The following ARB2A variants were observed in gnomAD, a reference collection of about 807,000 sequenced individuals.
ARB2A encodes cotranscriptional regulator ARB2A.
the ARB2A span, among the ~76,000 whole-genome samples, chr5:94,077,736 G>A: frequency 1.3e-5 from 2 of 152,128 alleles, no homozygotes; most frequent in African/African-American, 2.4e-5. Context: ...AGAATAAAGC[G>A]GTGGAAGGTT....
chr5:93,846,797 G>A, the ARB2A span, among the ~76,000 whole-genome samples: 1 of 152,098 alleles, frequency 6.6e-6, no homozygotes, highest in African/African-American at 2.4e-5. Flanking sequence ...TCAGTGAAGG[G>A]TCTTGCCTCA....
chr5:93,619,901 G>A, the ARB2A span: 1 of 152,076 alleles, frequency 6.6e-6, no homozygotes, highest in Non-Finnish European at 1.5e-5. Context: ...AAACTAAAAG[G>A]ATAATTTTAG....
the ARB2A span, among the ~76,000 whole-genome samples, chr5:94,005,728 A>G: frequency 6.6e-6 from 1 of 152,256 alleles, no homozygotes; most frequent in African/African-American, 2.4e-5. Context: ...GCCAAAAGAC[A>G]TTGAGAGAGC....
At chr5:93,886,021 A>C in the ARB2A span, among the ~76,000 whole-genome samples, 1 of 151,796 alleles carries the variant, frequency 6.6e-6, no homozygotes, top group Non-Finnish European at 1.5e-5. Flanking sequence ...AAATTATATC[A>C]GTACAAAAAC....
At chr5:93,958,961 G>A in the ARB2A span, 8 of 1,568,916 alleles carry the variant, frequency 5.1e-6, no homozygotes, top group Non-Finnish European at 6.9e-6. Context: ...ACTCTCAGTG[G>A]CATCTACCTG....
the ARB2A span, among the ~76,000 whole-genome samples, chr5:93,672,296 T>C: frequency 6.6e-6 from 1 of 151,934 alleles, no homozygotes; most frequent in Non-Finnish European, 1.5e-5. Flanking sequence ...ATAGAAATGT[T>C]GCTGTATGCA....
At chr5:93,883,123 A>T in the ARB2A span, among the ~76,000 whole-genome samples, 1 of 151,364 alleles carries the variant, frequency 6.6e-6, no homozygotes, top group Admixed American at 6.6e-5. Context: ...ATTGTTTTCT[A>T]TTTTTTCCTC....
At chr5:93,947,574 G>C in the ARB2A span, among the ~76,000 whole-genome samples, 22 of 150,992 alleles carry the variant, frequency 1.5e-4, no homozygotes, top group African/African-American at 5.3e-4. Flanking sequence ...GTGCAGGTTA[G>C]TTACGTATGT....
At chr5:94,073,640 T>C in the ARB2A span, among the ~76,000 whole-genome samples, 1 of 152,088 alleles carries the variant, frequency 6.6e-6, no homozygotes, top group East Asian at 1.9e-4. Context: ...TCTATCTAGG[T>C]GGAAACCCAG....
At chr5:93,675,192 T>A in the ARB2A span, among the ~76,000 whole-genome samples, 1 of 152,194 alleles carries the variant, frequency 6.6e-6, no homozygotes, top group African/African-American at 2.4e-5. Flanking sequence ...ACAGTTGAAC[T>A]TATTAAATCT....
the ARB2A span, among the ~76,000 whole-genome samples, chr5:93,942,936 G>T: frequency 8.6e-5 from 13 of 151,924 alleles, no homozygotes; most frequent in Non-Finnish European, 1.9e-4. Context: ...CCAGATTTAT[G>T]AACACACATA....
chr5:93,852,570 G>T, the ARB2A span, among the ~76,000 whole-genome samples: 1 of 152,074 alleles, frequency 6.6e-6, no homozygotes, highest in Non-Finnish European at 1.5e-5. Context: ...TTTTCTTCTA[G>T]GGTTTTTATG....
the ARB2A span, among the ~76,000 whole-genome samples, chr5:94,012,195 G>T: frequency 2.6e-5 from 4 of 152,108 alleles, no homozygotes; most frequent in Admixed American, 2.6e-4. Flanking sequence ...AAGGTCAGGA[G>T]ATCAAGACCA....
chr5:93,842,208 G>T, the ARB2A span, among the ~76,000 whole-genome samples: 1 of 152,152 alleles, frequency 6.6e-6, no homozygotes, highest in Non-Finnish European at 1.5e-5. Context: ...TGGGGGTGAT[G>T]AAAGTAACGG....
chr5:93,699,118 G>A, the ARB2A span, among the ~76,000 whole-genome samples: 123 of 152,308 alleles, frequency 8.1e-4, no homozygotes, highest in African/African-American at 2.9e-3. Context: ...TGAAGGAATG[G>A]AAGTACAGAG....
At chr5:93,790,696 G>T in the ARB2A span, among the ~76,000 whole-genome samples, 1 of 152,170 alleles carries the variant, frequency 6.6e-6, no homozygotes, top group Non-Finnish European at 1.5e-5. Context: ...GCAGTGCCAC[G>T]CTGGGGGAAA....
the ARB2A span, among the ~76,000 whole-genome samples, chr5:94,009,674 G>C: frequency 6.6e-6 from 1 of 152,020 alleles, no homozygotes; most frequent in African/African-American, 2.4e-5. Context: ...TTTGGGCCTA[G>C]AGCTTTGAGA....
the ARB2A span, among the ~76,000 whole-genome samples, chr5:93,885,277 T>C: frequency 1.3e-5 from 2 of 151,556 alleles, no homozygotes; most frequent in Non-Finnish European, 3.0e-5. Context: ...GTATAATATC[T>C]TAAAAGAACT....
the ARB2A span, among the ~76,000 whole-genome samples, chr5:94,002,152 G>C: frequency 6.6e-6 from 1 of 151,946 alleles, no homozygotes; most frequent in Non-Finnish European, 1.5e-5. Context: ...CCCCAGATTA[G>C]TTAGGCTCTG....
Sources: allele counts gnomAD v4.1 joint callset (sites outside exome capture counted in the v4.1 genomes callset), GRCh38; gene constraint gnomAD v4.1.1; transcripts MANE v1.5; gene names NCBI Gene and HGNC (gene_info 2026-07-23, HGNC 2026-07-21).